The following CSF2RA variants were observed in gnomAD, a reference collection of about 807,000 sequenced individuals.
CSF2RA encodes granulocyte-macrophage colony-stimulating factor receptor subunit alpha.
A neutral mutation model predicts 51.6 loss-of-function variants in CSF2RA; 42 were observed. The ratio of observed to expected loss-of-function variants is 0.81; its 90% CI spans 0.64 to 1.05. The LOEUF is 1.05. Ranked by LOEUF, CSF2RA falls within the 50% of genes least tolerant of loss-of-function variation. The pLI, the probability that CSF2RA is intolerant of heterozygous loss-of-function variation, is 0.00. For synonymous variants in CSF2RA, 222 were observed against 193.0 expected (o/e 1.15, Z -1.24); for missense variants, 530 against 501.1 (o/e 1.06, Z -0.55).
Position 1,288,886 on chromosome X carries a change from A to C in CSF2RA, c.471A>C (p.Ser157=). 2 of 1,590,104 alleles carry C rather than the reference A, an allele frequency of 1.3e-6. No homozygotes were observed. The highest frequency in any genetic ancestry group is 1.7e-6 in the Non-Finnish European group (2 of 1,166,684). ...DVQYFLYIRN[S]KRRREIRCPY... ...AGTATTTTTTGTACATACGAAACTC[A>C]AAGTAAGTGTTCACCTCATGTGAAG... Residue 157 remains serine, a splice_region_variant and synonymous_variant, in exon 6 of 13, where the codon TCA becomes TCC. Transcript: ENST00000381529.
At chrX:1,313,826 T>C (rs2084289475), downstream of CSF2RA, among the ~76,000 whole-genome samples, 1 of 151,466 alleles carries the variant, frequency 6.6e-6, no homozygotes. Context: ...CCATCTCTGC[T>C]AAAGATACAA....
chrX:1,315,747 G>T, the CSF2RA span, among the ~76,000 whole-genome samples: 1 of 151,620 alleles, frequency 6.6e-6, no homozygotes, highest in African/African-American at 2.4e-5. Flanking sequence ...TAGATAGATA[G>T]ATAGAAAATA....
chrX:1,278,068 T>G (rs191828952), intron 2 of CSF2RA, among the ~76,000 whole-genome samples: 2,756 of 150,062 alleles, frequency 0.018, 84 homozygotes, highest in African/African-American at 0.064. Context: ...GCGCAGTGGC[T>G]CATGCCTATA....
At chrX:1,315,378 A>T (rs186890165), downstream of CSF2RA, among the ~76,000 whole-genome samples, 1 of 152,202 alleles carries the variant, frequency 6.6e-6, no homozygotes, top group Non-Finnish European at 1.5e-5. Flanking sequence ...GATATTTGAT[A>T]GATAGATGAT....
At chrX:1,295,986 C>G (rs1278335016) in intron 9 of CSF2RA, among the ~76,000 whole-genome samples, 1 of 150,266 alleles carries the variant, frequency 6.7e-6, no homozygotes, top group South Asian at 2.1e-4. Flanking sequence ...ACTCACGACC[C>G]CCGGAGTAAT....
At chrX:1,289,920 GTGTTT>G (rs749551546) in intron 6 of CSF2RA, among the ~76,000 whole-genome samples, 502 of 44,960 alleles carry the variant, frequency 0.011, 6 homozygotes, top group African/African-American at 0.034. Flanking sequence ...TTTTGTTTTT[GTGTTT>G]TGTTTTGTTT....
chrX:1,294,585 CTG>C, intron 8 of CSF2RA, 124 bp downstream of exon 8: 3 of 1,282,424 alleles, frequency 2.3e-6, no homozygotes, highest in South Asian at 1.3e-5. Context: ...AGCGGTGACT[CTG>C]GGGTGAACGC....
the CSF2RA span, among the ~76,000 whole-genome samples, chrX:1,315,490 G>T: frequency 5.3e-5 from 8 of 151,978 alleles, no homozygotes; most frequent in Admixed American, 3.9e-4. Flanking sequence ...TACAACCTCC[G>T]CCTCCCAGGT....
chrX:1,318,378 G>A, the CSF2RA span, among the ~76,000 whole-genome samples: 1 of 151,540 alleles, frequency 6.6e-6, no homozygotes, highest in Non-Finnish European at 1.5e-5. Flanking sequence ...GGCCAGGCTG[G>A]TCTTGAACTT....
chrX:1,303,931 G>A lies in CSF2RA; in HGVS notation c.955G>A (p.Asp319Asn), dbSNP rs768192391. The change falls in exon 11 of 13, where the codon GAC (aspartate) becomes AAC (asparagine). Residue 319 changes from aspartate (D) to asparagine (N), a missense_variant. Asp to Asn is a conservative substitution (Grantham distance 23). Coordinates refer to ENST00000381529, the MANE Select transcript of CSF2RA (RefSeq NM_172245.4). ...CCTGTGTGTCTCTCCAGGTTCTGAC[G>A]ACGGGAACCTCGGCTCTGTGTACAT... is the stretch of plus-strand genomic sequence containing the variant. ...WSEAIEFGSD[D>N]GNLGSVYIYV... The A allele has an allele frequency of 1.2e-5, 19 of 1,613,410 alleles. No homozygotes were observed. The highest frequency in any genetic ancestry group is 2.2e-5 in the South Asian group (2 of 91,056).
chrX:1,302,725 G>A (rs1343922356), intron 10 of CSF2RA, among the ~76,000 whole-genome samples: 13 of 149,182 alleles, frequency 8.7e-5, no homozygotes, highest in South Asian at 4.2e-4. Flanking sequence ...ATGGAGTTTC[G>A]CTGTGTCACC....
At chrX:1,300,887 T>C (rs1275293886) in intron 10 of CSF2RA, among the ~76,000 whole-genome samples, 2 of 152,000 alleles carry the variant, frequency 1.3e-5, no homozygotes, top group African/African-American at 4.8e-5. Context: ...GGTGCAGCGG[T>C]TCACGCCTGT....
intron 7 of CSF2RA, among the ~76,000 whole-genome samples, chrX:1,291,477 C>T (rs1177495742): frequency 6.6e-6 from 1 of 151,734 alleles, no homozygotes; most frequent in Non-Finnish European, 1.5e-5. Context: ...CTCTTCGTGT[C>T]CCAGTGCCCT....
At chrX:1,281,401 G>T (rs868099886) in intron 2 of CSF2RA, among the ~76,000 whole-genome samples, 628 of 7,992 alleles carry the variant, frequency 0.079, no homozygotes, top group Admixed American at 0.16. Context: ...CTCCTCCTCC[G>T]CCTTCTCCTA....
intron 10 of CSF2RA, among the ~76,000 whole-genome samples, chrX:1,303,623 G>A (rs770905648): frequency 3.9e-5 from 6 of 152,232 alleles, no homozygotes; most frequent in South Asian, 4.1e-4. Flanking sequence ...TGATCCTCCC[G>A]TGTCGGCCTC....
chrX:1,285,648 C>T, intron 3 of CSF2RA, 130 bp from the exon 4 acceptor site: 1 of 1,103,220 alleles, frequency 9.1e-7, no homozygotes, highest in Non-Finnish European at 1.3e-6. Flanking sequence ...CTTGCAGTGA[C>T]CTGAGATCAC....
At chrX:1,300,386 AAAAAG>A (rs2092289588) in intron 9 of CSF2RA, 100 bp from the exon 10 acceptor site, 15 of 1,397,874 alleles carry the variant, frequency 1.1e-5, no homozygotes, top group Non-Finnish European at 1.5e-5. Flanking sequence ...AGAAAAAGAA[AAAAAG>A]AAAAGGAGAA....
At chrX:1,310,077 G>T (rs1237557922), downstream of CSF2RA, 6 of 322,408 alleles carry the variant, frequency 1.9e-5, no homozygotes, top group Non-Finnish European at 2.2e-5. Context: ...TGCCTGTAGT[G>T]CCAGCTATCT....
intron 8 of CSF2RA, 84 bp downstream of exon 8, chrX:1,294,545 G>C: frequency 6.3e-7 from 1 of 1,579,456 alleles, no homozygotes; most frequent in Non-Finnish European, 8.7e-7. Context: ...TCCCGGGGAA[G>C]TGGCCTGGGG....
Sources: gnomAD v4.1 joint callset for allele counts (sites outside exome capture counted in the v4.1 genomes callset) on GRCh38, gnomAD v4.1.1 for gene constraint, MANE v1.5 for transcripts, NCBI Gene and HGNC (gene_info 2026-07-23, HGNC 2026-07-21) for gene names.